The following CMPK1 variants were observed in gnomAD, a reference collection of about 807,000 sequenced individuals.
The protein encoded by CMPK1 is cytidine/uridine monophosphate kinase 1.
CMPK1 carries 10 observed loss-of-function variants against 25.7 expected under a neutral mutation model. That is an observed-to-expected ratio of 0.39 (90% CI 0.24 to 0.66). CMPK1 has a LOEUF of 0.66. CMPK1 is among the 30% of genes least tolerant of loss of function. The probability of loss-of-function intolerance (pLI) is 0.48; values close to 1 mark genes in which losing one functional copy is unlikely to be tolerated. For missense variants in CMPK1, 199 were observed against 280.5 expected (o/e 0.71, Z 2.08); for synonymous variants, 106 against 101.5 (o/e 1.04, Z -0.27).
chr1:47,352,499 TG>T (rs1646529659), intron 1 of CMPK1, among the ~76,000 whole-genome samples: 1 of 139,374 alleles, frequency 7.2e-6, no homozygotes, highest in South Asian at 2.7e-4. Context: ...GACGGGGTAG[TG>T]GTAAATGGAA....
chr1:47,340,579 G>GTTTCT (rs1646434385), intron 1 of CMPK1, among the ~76,000 whole-genome samples: 2 of 152,070 alleles, frequency 1.3e-5, no homozygotes, highest in Non-Finnish European at 2.9e-5. Context: ...AAACTAGATA[G>GTTTCT]GAAAATCCAC....
intron 2 of CMPK1, among the ~76,000 whole-genome samples, chr1:47,372,157 G>A (rs540466803): frequency 3.7e-4 from 55 of 150,312 alleles, no homozygotes; most frequent in African/African-American, 1.3e-3. Flanking sequence ...GCTGTGGCAC[G>A]ATCTCGGCTT....
chr1:47,355,345 CTTTTTTT>C (rs58017732), intron 1 of CMPK1, among the ~76,000 whole-genome samples: 2 of 104,008 alleles, frequency 1.9e-5, no homozygotes, highest in African/African-American at 3.7e-5. Flanking sequence ...CATGCCCAGT[CTTTTTTT>C]TTTTTTTTTT....
intron 1 of CMPK1, among the ~76,000 whole-genome samples, chr1:47,359,098 C>T (rs1557809823): frequency 6.6e-6 from 1 of 152,048 alleles, no homozygotes; most frequent in Non-Finnish European, 1.5e-5. Context: ...GTGGGCGGAT[C>T]ACGAGGTCAG....
intron 1 of CMPK1, among the ~76,000 whole-genome samples, chr1:47,344,305 A>G (rs1351097447): frequency 6.6e-6 from 1 of 152,092 alleles, no homozygotes; most frequent in Non-Finnish European, 1.5e-5. Flanking sequence ...ACAGTGGGAA[A>G]GAAGCAGTTG....
chr1:47,351,380 A>G (rs1220056880), intron 1 of CMPK1, among the ~76,000 whole-genome samples: 2 of 152,100 alleles, frequency 1.3e-5, no homozygotes, highest in East Asian at 1.9e-4. Context: ...CGCCTGGCCC[A>G]TAATGTTTTT....
chr1:47,370,963 T>A (rs551056066), intron 2 of CMPK1, among the ~76,000 whole-genome samples: 7 of 147,190 alleles, frequency 4.8e-5, no homozygotes, highest in African/African-American at 1.6e-4. Flanking sequence ...CCTCAAAAAA[T>A]AAATAAATAA....
At chr1:47,349,789 G>C (rs1016644331) in intron 1 of CMPK1, among the ~76,000 whole-genome samples, 2 of 152,030 alleles carry the variant, frequency 1.3e-5, no homozygotes, top group Admixed American at 1.3e-4. Flanking sequence ...ACAGGGTCTT[G>C]TTCTGTTGCC....
intron 1 of CMPK1, among the ~76,000 whole-genome samples, chr1:47,358,104 CT>C (rs398039948): frequency 0.01 from 808 of 78,706 alleles, 3 homozygotes; most frequent in Non-Finnish European, 0.012. Context: ...CATAGTAGGT[CT>C]TTTTTTTTTT....
At chr1:47,352,887 AC>A (rs1474773525) in intron 1 of CMPK1, among the ~76,000 whole-genome samples, 2 of 152,064 alleles carry the variant, frequency 1.3e-5, no homozygotes, top group African/African-American at 2.4e-5. Flanking sequence ...TTATCACTAA[AC>A]TGACTTTAAT....
intron 1 of CMPK1, among the ~76,000 whole-genome samples, chr1:47,365,444 G>A (rs572942372): frequency 3.9e-4 from 59 of 151,740 alleles, no homozygotes; most frequent in Admixed American, 1.5e-3. Flanking sequence ...GACCAGCCTG[G>A]GTAACATGGC....
rs764742980 is a variant in CMPK1, at chr1:47,343,886, C to CA, written c.171+9784dup. Among the ~76,000 whole-genome samples the CA allele has an allele frequency of 5.2e-3, 559 of 107,688 alleles. 2 individuals carry two copies. Among genetic ancestry groups the CA allele is most frequent in the African/African-American group, 1.0e-2 (288 of 28,804 alleles). The allele number at this position is 107,688 out of a possible 152,430, so 70.6% of individuals were successfully genotyped here. A position where few individuals can be genotyped will look rare whatever the true frequency, so the allele number is the denominator to read the frequency against. On this transcript the variant is annotated intron_variant, in intron 1 of 5. Transcript: ENST00000371873. ...TGGATGACAGAGAGAGACTCCGTCT[C>CA]AAAAAAAAAAAAAAGCCCATCTCTA...
intron 1 of CMPK1, among the ~76,000 whole-genome samples, chr1:47,357,781 G>A (rs1374889707): frequency 2.6e-5 from 4 of 151,926 alleles, no homozygotes; most frequent in Admixed American, 2.0e-4. Context: ...CACTGCACCG[G>A]CCAATCTGTT....
intron 3 of CMPK1, among the ~76,000 whole-genome samples, chr1:47,374,376 G>A (rs1646694879): frequency 1.3e-5 from 2 of 152,084 alleles, no homozygotes; most frequent in Admixed American, 6.6e-5. Flanking sequence ...GTTTTAAAAC[G>A]TAACTCTCTT....
intron 1 of CMPK1, among the ~76,000 whole-genome samples, chr1:47,362,984 A>C (rs549637715): frequency 6.6e-6 from 1 of 152,336 alleles, no homozygotes; most frequent in Admixed American, 6.5e-5. Context: ...TGGCCAGTAA[A>C]TATCTGGGCA....
chr1:47,375,422 C>T (rs1646701434), intron 5 of CMPK1, 129 bp downstream of exon 5: 1 of 611,150 alleles, frequency 1.6e-6, no homozygotes, highest in Non-Finnish European at 2.8e-6. Context: ...GGAAGCCAGT[C>T]ATGGTGGCTC....
intron 1 of CMPK1, among the ~76,000 whole-genome samples, chr1:47,346,275 CA>C (rs1557803749): frequency 6.7e-6 from 1 of 149,872 alleles, no homozygotes; most frequent in African/African-American, 2.5e-5. Flanking sequence ...GTCTCGAACT[CA>C]TGACCTCGTG....
intron 1 of CMPK1, among the ~76,000 whole-genome samples, chr1:47,337,210 G>A (rs1409317842): frequency 6.6e-6 from 1 of 152,180 alleles, no homozygotes; most frequent in Non-Finnish European, 1.5e-5. Flanking sequence ...ATGAACCGGG[G>A]AGGCGGAGCT....
intron 1 of CMPK1, chr1:47,358,163 G>A (rs904247007): frequency 8.2e-6 from 2 of 243,190 alleles, no homozygotes. Flanking sequence ...CTAGGCTAGA[G>A]TGCAGTGGTA....
Sources: allele counts gnomAD v4.1 joint callset (sites outside exome capture counted in the v4.1 genomes callset), GRCh38; gene constraint gnomAD v4.1.1; transcripts MANE v1.5; gene names NCBI Gene and HGNC (gene_info 2026-07-23, HGNC 2026-07-21).